GNB5: variants seen among roughly 807,000 people sequenced by gnomAD.
GNB5 encodes guanine nucleotide-binding protein subunit beta-5.
A neutral mutation model predicts 55.3 loss-of-function variants in GNB5; 37 were observed. The ratio of observed to expected loss-of-function variants is 0.67; its 90% CI spans 0.51 to 0.88. The LOEUF is 0.88. Among genes scored for constraint, GNB5 ranks in the 40% least tolerant of loss-of-function variants. The pLI is 0.00. For synonymous variants in GNB5, 219 were observed against 198.5 expected, an observed-to-expected ratio of 1.10 and a Z score of -0.87; for missense variants, 476 against 515.3, an observed-to-expected ratio of 0.92 and a Z score of 0.74.
chr15:52,139,732 G>A lies in GNB5; in HGVS notation c.627+1408C>T, dbSNP rs1325448286. ...CTTGACCTACCCTGCCTCCCAGGCC[G>A]CGTCCCCGCCGAGGTAGCCAGCTGT... On this transcript the variant is annotated intron_variant, in intron 7 of 12. Transcript: ENST00000261837. 5 of 1,100,058 alleles carry A rather than the reference G, an allele frequency of 4.5e-6. No individual in the cohort carries two copies. In the African/African-American group the frequency reaches 4.9e-5, roughly 11 times the overall value. The allele number at this position is 1,100,058 out of a possible 1,614,324, so 68.1% of individuals were successfully genotyped here. A position where few individuals can be genotyped will look rare whatever the true frequency, so the allele number is the denominator to read the frequency against.
intron 4 of GNB5, among the ~76,000 whole-genome samples, chr15:52,152,230 A>C (rs773580900): frequency 5.9e-5 from 9 of 152,164 alleles, no homozygotes; most frequent in Non-Finnish European, 1.2e-4. Flanking sequence ...GGTTATAAAA[A>C]AAAGCAAACC....
rs1042185639 is a variant in GNB5, at chr15:52,121,220, T to A, written c.*1537A>T. The A allele has an allele frequency of 2.6e-5, 4 of 152,282 alleles. No individual in the cohort carries two copies. The highest frequency in any genetic ancestry group is 6.5e-5 in the Admixed American group (1 of 15,286). The allele number at this position is 152,282 out of a possible 1,614,324, so 9.4% of individuals were successfully genotyped here. On this transcript the variant is annotated 3_prime_UTR_variant, in exon 13 of 13. Coordinates refer to ENST00000261837, the MANE Select transcript of GNB5 (RefSeq NM_016194.4). ...TGGAGCAGGGCCAGGAAAGGAGACC[T>A]GTCCAGGGGACAAGGTGCACGCAGC... is the stretch of plus-strand genomic sequence containing the variant.
intron 9 of GNB5, among the ~76,000 whole-genome samples, chr15:52,129,382 G>A (rs144175207): frequency 6.6e-6 from 1 of 152,318 alleles, no homozygotes; most frequent in East Asian, 1.9e-4. Flanking sequence ...ATTTGGCAAA[G>A]GAGAGGGAAG....
intron 4 of GNB5, among the ~76,000 whole-genome samples, chr15:52,150,474 G>A (rs915035502): frequency 6.6e-6 from 1 of 152,114 alleles, no homozygotes; most frequent in Non-Finnish European, 1.5e-5. Context: ...GGGCTGTATG[G>A]GCCTGAGATC....
Position 52,124,617 on chromosome 15 carries a change from G to A in GNB5, c.1032C>T (p.Tyr344=), listed in dbSNP as rs749597091. The part of the protein sequence containing the change: ...SLSGRLLFAG[Y]NDYTINVWDV... ...CCCAGACGTTGATAGTGTAATCATTGTATCCAGCAAACAGCAGGCGACCTT... is the reference window on the plus strand; with the variant it reads ...CCCAGACGTTGATAGTGTAATCATTATATCCAGCAAACAGCAGGCGACCTT... The change falls in exon 12 of 13, where the codon TAC becomes TAT. Residue 344 remains tyrosine (Y), a synonymous_variant. Coordinates refer to ENST00000261837, the MANE Select transcript of GNB5 (RefSeq NM_016194.4). The A allele has an allele frequency of 6.2e-7, 1 of 1,613,984 alleles. No individual in the cohort carries two copies. The highest frequency in any genetic ancestry group is 8.5e-7 in the Non-Finnish European group (1 of 1,179,898).
intron 4 of GNB5, among the ~76,000 whole-genome samples, chr15:52,151,441 C>T (rs952547170): frequency 1.3e-5 from 2 of 152,182 alleles, no homozygotes; most frequent in African/African-American, 4.8e-5. Flanking sequence ...CAGGGGCCTA[C>T]GTACCCAGAG....
chr15:52,136,172 A>ACACACACACACACCCACC (rs1168734914), intron 7 of GNB5, among the ~76,000 whole-genome samples: 1 of 100,050 alleles, frequency 1.0e-5, no homozygotes. Flanking sequence ...ACACACACAC[A>ACACACACACACACCCACC]CCCTACCTGC....
intron 5 of GNB5, 125 bp from the exon 6 acceptor site, chr15:52,147,660 C>T: frequency 2.1e-6 from 1 of 478,114 alleles, no homozygotes; most frequent in East Asian, 4.3e-5. Flanking sequence ...AATCTCAGCT[C>T]ACTCCAACAT....
chr15:52,187,381 C>T (rs767936378), intron 1 of GNB5, among the ~76,000 whole-genome samples: 60 of 151,732 alleles, frequency 4.0e-4, no homozygotes, highest in Admixed American at 2.4e-3. Context: ...AGAGAAGGGA[C>T]GGCAGGAAAA....
chr15:52,149,899 G>A lies in GNB5; in HGVS notation c.402C>T (p.Ser134=), dbSNP rs771445238. ...AATGCCTCACCTTGTTTGTGGTGAA[G>A]GAATCCCACACGATCACCTTCCCAT... ...SQDGKVIVWD[S]FTTNKEHAVT... Residue 134 remains serine, a synonymous_variant, in exon 5 of 13, where the codon TCC becomes TCT. Coordinates refer to ENST00000261837, the MANE Select transcript of GNB5 (RefSeq NM_016194.4). 1 of 1,612,330 alleles carries A rather than the reference G, an allele frequency of 6.2e-7. No homozygotes were observed. The highest frequency in any genetic ancestry group is 8.5e-7 in the Non-Finnish European group (1 of 1,178,364).
In GNB5 at chr15:52,142,228, G is replaced by A. The variant is rs148936913; in HGVS notation, c.495-956C>T. Among the ~76,000 whole-genome samples, 293 of 152,192 alleles carry A rather than the reference G, an allele frequency of 1.9e-3. 1 individual carries two copies. Among genetic ancestry groups the A allele is most frequent in the African/African-American group, 6.9e-3 (286 of 41,516 alleles). On this transcript the variant is annotated intron_variant, in intron 6 of 12. Coordinates refer to ENST00000261837, the MANE Select transcript of GNB5 (RefSeq NM_016194.4). ...ACCACTAGATATCTCCAGGGTAAAG[G>A]TAATTTGTTTGTAATCAGTAATAAT...
In GNB5 at chr15:52,139,830, C is replaced by T. The variant is rs763844397; in HGVS notation, c.627+1310G>A. 9 of 1,267,016 alleles carry T rather than the reference C, an allele frequency of 7.1e-6. No homozygotes were observed. In the African/African-American group the frequency reaches 7.7e-5, roughly 11 times the overall value. The allele number at this position is 1,267,016 out of a possible 1,614,324, so 78.5% of individuals were successfully genotyped here. On this transcript the variant is annotated intron_variant, in intron 7 of 12. Coordinates refer to ENST00000261837, the MANE Select transcript of GNB5 (RefSeq NM_016194.4). ...TTTCTCACCTACTGGTGCCCCCTTTCATCCCCAACCCTGCCCCGGGGCAAC... is the reference window on the plus strand; with the variant it reads ...TTTCTCACCTACTGGTGCCCCCTTTTATCCCCAACCCTGCCCCGGGGCAAC...
At chr15:52,139,669 G>A in intron 7 of GNB5, 1 of 439,760 alleles carries the variant, frequency 2.3e-6, no homozygotes, top group East Asian at 8.8e-5. Flanking sequence ...ACACAGCGGA[G>A]CCAAGATCCA....
chr15:52,176,826 C>T lies in GNB5; in HGVS notation c.238+2942G>A, dbSNP rs144340754. On this transcript the variant is annotated intron_variant, in intron 3 of 12. Coordinates refer to ENST00000261837, the MANE Select transcript of GNB5 (RefSeq NM_016194.4). ...TCAGATCCATCCTCTCTCTCAAAAC[C>T]CTCCAAGGGTTTCCCAACTCACTGG... is the stretch of plus-strand genomic sequence containing the variant. Among the ~76,000 whole-genome samples, 741 of 152,236 alleles carry T rather than the reference C, an allele frequency of 4.9e-3. 18 individuals carry two copies. Among genetic ancestry groups the T allele is most frequent in the Admixed American group, 0.026 (395 of 15,294 alleles).
chr15:52,173,293 T>G (rs911569036), intron 3 of GNB5, among the ~76,000 whole-genome samples: 11 of 152,220 alleles, frequency 7.2e-5, no homozygotes, highest in African/African-American at 2.4e-4. Context: ...CAGGCTGGTC[T>G]TGATCTCCTG....
intron 3 of GNB5, among the ~76,000 whole-genome samples, chr15:52,175,239 T>C (rs1464226410): frequency 6.6e-6 from 1 of 152,186 alleles, no homozygotes; most frequent in Non-Finnish European, 1.5e-5. Context: ...ATCTAACACA[T>C]GTTGCTCTGG....
intron 9 of GNB5, chr15:52,128,874 G>T: frequency 2.5e-6 from 1 of 398,798 alleles, no homozygotes; most frequent in Non-Finnish European, 5.1e-6. Flanking sequence ...ATAAGCCAGA[G>T]GCAGAATGAG....
At chr15:52,151,742 G>A (rs1161819358) in intron 4 of GNB5, among the ~76,000 whole-genome samples, 3 of 152,206 alleles carry the variant, frequency 2.0e-5, no homozygotes, top group Non-Finnish European at 4.4e-5. Flanking sequence ...GCTAGAGAGC[G>A]ACATGGATAT....
Position 52,141,200 on chromosome 15 carries a change from C to T in GNB5, c.567G>A (p.Lys189=), listed in dbSNP as rs17612637. ...GGTAGTTGGTGTGCATAGCAACAGACTTCTTTTTGGCAGCCATGTTTTCAT... is the reference window on the plus strand; with the variant it reads ...GGTAGTTGGTGTGCATAGCAACAGATTTCTTTTTGGCAGCCATGTTTTCAT... The part of the protein sequence containing the change: ...DKNENMAAKK[K]SVAMHTNYLS... Residue 189 remains lysine (K), a synonymous_variant, in exon 7 of 13, where the codon AAG becomes AAA. Transcript: ENST00000261837. The T allele has an allele frequency of 0.034, 54,111 of 1,613,926 alleles. 1,060 individuals are homozygous for T. The highest frequency in any genetic ancestry group is 0.07 in the Middle Eastern group (424 of 6,060).
Sources: gnomAD v4.1 joint callset for allele counts (sites outside exome capture counted in the v4.1 genomes callset) on GRCh38, gnomAD v4.1.1 for gene constraint, MANE v1.5 for transcripts, NCBI Gene and HGNC (gene_info 2026-07-23, HGNC 2026-07-21) for gene names.